LRRC1: variants seen among roughly 807,000 people sequenced by gnomAD.
The protein encoded by LRRC1 is leucine rich repeat containing 1, also known as leucine-rich repeat-containing protein 1.
In LRRC1, 28 loss-of-function variants were observed where a neutral mutation model predicts 69.9. The ratio of observed to expected loss-of-function variants is 0.40; its 90% CI spans 0.30 to 0.55. The LOEUF (loss-of-function observed/expected upper bound fraction) is 0.55, where lower values mean the gene tolerates loss of function less well. Among genes scored for constraint, LRRC1 ranks in the 20% least tolerant of loss-of-function variants. The pLI is 0.47. For missense variants in LRRC1, 498 were observed against 609.0 expected, an observed-to-expected ratio of 0.82 and a Z score of 1.92; for synonymous variants, 236 against 240.2, an observed-to-expected ratio of 0.98 and a Z score of 0.16.
chr6:53,828,366 A>C (rs1306976527), intron 1 of LRRC1, among the ~76,000 whole-genome samples: 1 of 152,186 alleles, frequency 6.6e-6, no homozygotes, highest in East Asian at 1.9e-4. Context: ...ACAGGGCAGC[A>C]CCCATCTGGT....
In LRRC1 at chr6:53,911,638, A is replaced by G. The variant is rs188462424; in HGVS notation, c.991-2216A>G. 2.0e-5 allele frequency among the ~76,000 whole-genome samples: 3 copies of G among 152,294 alleles called. No homozygotes were observed. In the East Asian group the frequency reaches 5.8e-4, roughly 29 times the overall value. On this transcript the variant is annotated intron_variant, in intron 10 of 13. Transcript: ENST00000370888. ...CAGCCTCAGCCAACTGCTGACTTGG[A>G]AGCTCTCCTTCAGGGCATGCAGCCG...
intron 11 of LRRC1, among the ~76,000 whole-genome samples, chr6:53,914,172 C>G (rs1768497470): frequency 6.6e-6 from 1 of 152,134 alleles, no homozygotes; most frequent in African/African-American, 2.4e-5. Flanking sequence ...CAGGGAAAAC[C>G]TGAGCATGGG....
chr6:53,897,139 G>A (rs1767900111), intron 6 of LRRC1, 146 bp from the exon 7 acceptor site: 9 of 651,446 alleles, frequency 1.4e-5, no homozygotes, highest in Non-Finnish European at 5.2e-6. Flanking sequence ...GGCACTTTGA[G>A]GAAAGGGGCT....
chr6:53,845,917 A>G (rs1480806189), intron 2 of LRRC1, among the ~76,000 whole-genome samples: 1 of 152,094 alleles, frequency 6.6e-6, no homozygotes, highest in Non-Finnish European at 1.5e-5. Flanking sequence ...AGGAGCCCAC[A>G]TTCACTCCCC....
At chr6:53,878,410 C>T (rs1456382118) in intron 2 of LRRC1, among the ~76,000 whole-genome samples, 1 of 152,150 alleles carries the variant, frequency 6.6e-6, no homozygotes, top group Non-Finnish European at 1.5e-5. Flanking sequence ...TCAATGGGAG[C>T]CCTGAGCTTG....
At chr6:53,851,014 T>C (rs938396586) in intron 2 of LRRC1, among the ~76,000 whole-genome samples, 4 of 152,016 alleles carry the variant, frequency 2.6e-5, no homozygotes, top group African/African-American at 9.7e-5. Flanking sequence ...GCTGGGAAAT[T>C]CAGTTAGCTA....
intron 4 of LRRC1, among the ~76,000 whole-genome samples, chr6:53,883,330 C>A (rs1028044008): frequency 6.6e-6 from 1 of 152,154 alleles, no homozygotes; most frequent in Admixed American, 6.5e-5. Context: ...TAATTTTAAA[C>A]CATGCTGGAG....
chr6:53,872,752 C>CTTTTTTT (rs537186693), intron 2 of LRRC1, among the ~76,000 whole-genome samples: 30 of 106,364 alleles, frequency 2.8e-4, no homozygotes, highest in East Asian at 5.1e-4. Flanking sequence ...TTTCTTTTCT[C>CTTTTTTT]TTTTTTTTTT....
rs184360753 is a variant in LRRC1, at chr6:53,884,687, A to G, written c.446+1711A>G. Among the ~76,000 whole-genome samples, 135 of 151,616 alleles carry G rather than the reference A, an allele frequency of 8.9e-4. No individual in the cohort carries two copies. The East Asian group carries it at 0.023, about 26-fold the overall frequency. ...TTCTCCTTTCTAGCCTCTGATTCCT[A>G]CCCCTCTCCTTTTTTCCCATTTTGT... On this transcript the variant is annotated intron_variant, in intron 4 of 13. Transcript: ENST00000370888.
At chr6:53,869,706 A>T (rs1161650258) in intron 2 of LRRC1, among the ~76,000 whole-genome samples, 1 of 151,844 alleles carries the variant, frequency 6.6e-6, no homozygotes, top group Non-Finnish European at 1.5e-5. Context: ...CTTCCCAGAG[A>T]CCTTAGAGTT....
chr6:53,920,853 T>A (rs1422330385), intron 13 of LRRC1, 92 bp downstream of exon 13: 2 of 1,424,392 alleles, frequency 1.4e-6, no homozygotes, highest in Non-Finnish European at 2.0e-6. Context: ...TTTCAATTAG[T>A]ATGTTCTCTG....
intron 2 of LRRC1, among the ~76,000 whole-genome samples, chr6:53,864,950 G>T (rs1297917720): frequency 1.3e-5 from 2 of 152,198 alleles, no homozygotes; most frequent in African/African-American, 2.4e-5. Context: ...TAGAAATATT[G>T]TGCTTAAAAA....
chr6:53,855,536 C>T (rs1357434023), intron 2 of LRRC1, among the ~76,000 whole-genome samples: 1 of 152,148 alleles, frequency 6.6e-6, no homozygotes, highest in Non-Finnish European at 1.5e-5. Flanking sequence ...GGCACAGCAG[C>T]AAGCACCTCG....
intron 4 of LRRC1, among the ~76,000 whole-genome samples, chr6:53,895,581 A>AT (rs1767843941): frequency 6.6e-6 from 1 of 152,216 alleles, no homozygotes; most frequent in South Asian, 2.1e-4. Flanking sequence ...TATTAGCAAA[A>AT]TGTGACTTTT....
chr6:53,876,309 G>A (rs552768154), intron 2 of LRRC1, among the ~76,000 whole-genome samples: 1 of 151,644 alleles, frequency 6.6e-6, no homozygotes, highest in South Asian at 2.1e-4. Flanking sequence ...CCTCCTACCG[G>A]GTCCCTCCCA....
intron 2 of LRRC1, among the ~76,000 whole-genome samples, chr6:53,863,523 T>C (rs1248638509): frequency 6.6e-6 from 1 of 152,244 alleles, no homozygotes; most frequent in Non-Finnish European, 1.5e-5. Flanking sequence ...TTCAGCTCTG[T>C]GGCTGTCCTT....
chr6:53,920,505 A>T, intron 12 of LRRC1, 120 bp from the exon 13 acceptor site: 5 of 1,029,152 alleles, frequency 4.9e-6, no homozygotes, highest in Non-Finnish European at 7.1e-6. Flanking sequence ...CACCCCCCTT[A>T]TTTCTGGTGT....
intron 4 of LRRC1, among the ~76,000 whole-genome samples, chr6:53,886,557 T>G (rs1007726491): frequency 2.6e-5 from 4 of 152,350 alleles, no homozygotes; most frequent in Non-Finnish European, 5.9e-5. Flanking sequence ...ATTTTTGTAC[T>G]GCATCATTTA....
At chr6:53,844,595 A>G (rs1581868557) in intron 2 of LRRC1, among the ~76,000 whole-genome samples, 1 of 152,354 alleles carries the variant, frequency 6.6e-6, no homozygotes, top group Admixed American at 6.5e-5. Flanking sequence ...TTCACTGAAG[A>G]CAGTATCAGG....
Sources: allele counts gnomAD v4.1 joint callset (sites outside exome capture counted in the v4.1 genomes callset), GRCh38; gene constraint gnomAD v4.1.1; transcripts MANE v1.5; gene names NCBI Gene and HGNC (gene_info 2026-07-23, HGNC 2026-07-21).